SDK1: variants seen among roughly 807,000 people sequenced by gnomAD.
The protein encoded by SDK1 is protein sidekick-1.
A neutral mutation model predicts 245.5 loss-of-function variants in SDK1; 157 were observed. The ratio of observed to expected loss-of-function variants is 0.64; its 90% CI spans 0.56 to 0.73. The LOEUF (loss-of-function observed/expected upper bound fraction) is 0.73, where lower values mean the gene tolerates loss of function less well. Among genes scored for constraint, SDK1 ranks in the 30% least tolerant of loss-of-function variants. The pLI, the probability that SDK1 is intolerant of heterozygous loss-of-function variation, is 0.00. For missense variants in SDK1, 3,583 were observed against 3,002.3 expected (o/e 1.19, Z -4.52); for synonymous variants, 1,647 against 1,278.5 (o/e 1.29, Z -6.15).
intron 1 of SDK1, among the ~76,000 whole-genome samples, chr7:3,577,619 A>T (rs1780336412): frequency 6.6e-6 from 1 of 152,016 alleles, no homozygotes; most frequent in Non-Finnish European, 1.5e-5. Flanking sequence ...TCTGCTCTTT[A>T]TTGAACCTGT....
intron 5 of SDK1, among the ~76,000 whole-genome samples, chr7:3,931,639 C>G (rs898482977): frequency 6.6e-6 from 1 of 152,202 alleles, no homozygotes; most frequent in Non-Finnish European, 1.5e-5. Context: ...CCATCTTCCT[C>G]AGTGATATTT....
intron 17 of SDK1, among the ~76,000 whole-genome samples, chr7:4,046,251 G>C (rs1789010557): frequency 6.6e-6 from 1 of 152,102 alleles, no homozygotes; most frequent in South Asian, 2.1e-4. Context: ...ACCCGGCCTG[G>C]ATAAACGTTC....
chr7:3,521,853 A>C (rs1782950670), intron 1 of SDK1, among the ~76,000 whole-genome samples: 1 of 152,224 alleles, frequency 6.6e-6, no homozygotes, highest in African/African-American at 2.4e-5. Context: ...TTCAATTTGA[A>C]TTCCTGAAAA....
intron 4 of SDK1, among the ~76,000 whole-genome samples, chr7:3,739,086 T>G (rs1779402915): frequency 6.6e-6 from 1 of 152,216 alleles, no homozygotes; most frequent in Admixed American, 6.5e-5. Context: ...CTTGGTTGAC[T>G]GTTTTTATTT....
At chr7:3,641,536 G>A (rs1005131574) in intron 3 of SDK1, among the ~76,000 whole-genome samples, 1 of 152,192 alleles carries the variant, frequency 6.6e-6, no homozygotes, top group Admixed American at 6.5e-5. Flanking sequence ...AAGCTGAAGA[G>A]AGCAAGGGCC....
At chr7:3,767,977 C>T (rs1005949968) in intron 4 of SDK1, among the ~76,000 whole-genome samples, 1 of 152,188 alleles carries the variant, frequency 6.6e-6, no homozygotes, top group Non-Finnish European at 1.5e-5. Flanking sequence ...ATCCTCATAA[C>T]TCTAATACGT....
intron 25 of SDK1, among the ~76,000 whole-genome samples, chr7:4,120,366 A>G (rs73046501): frequency 0.094 from 13,971 of 148,684 alleles, 1,805 homozygotes; most frequent in African/African-American, 0.18. Context: ...TCTTAAAAAC[A>G]ATTGGAGTGA....
At chr7:3,926,731 C>G (rs1779784338) in intron 5 of SDK1, among the ~76,000 whole-genome samples, 1 of 152,204 alleles carries the variant, frequency 6.6e-6, no homozygotes, top group African/African-American at 2.4e-5. Flanking sequence ...TACCAGCCAC[C>G]ACTTTCTACG....
intron 1 of SDK1, among the ~76,000 whole-genome samples, chr7:3,304,201 T>G (rs1018389571): frequency 6.6e-6 from 1 of 152,188 alleles, no homozygotes; most frequent in Admixed American, 6.5e-5. Context: ...TTCTATGCGG[T>G]GATGAGAATT....
At position 3,705,786 on chromosome 7, in the gene SDK1, C is replaced by G. The variant is rs1784870669; in HGVS notation, c.713+63681C>G. On this transcript the variant is annotated intron_variant, in intron 4 of 44. Transcript: ENST00000404826. ...GCCTGATTCCTCTGGCTAGGACTTC[C>G]AGTACTGTGTTGAATAGAAGTGGTG... Among the ~76,000 whole-genome samples the G allele has an allele frequency of 3.3e-5, 5 of 151,846 alleles. No homozygotes were observed. In the South Asian group the frequency reaches 1.0e-3, roughly 32 times the overall value.
At chr7:3,468,199 A>G (rs73036783) in intron 1 of SDK1, among the ~76,000 whole-genome samples, 5,074 of 152,284 alleles carry the variant, frequency 0.033, 142 homozygotes, top group African/African-American at 0.061. Flanking sequence ...TTTCTAGATA[A>G]CTGTATAATA....
chr7:3,723,703 T>C (rs561442570), intron 4 of SDK1, among the ~76,000 whole-genome samples: 10 of 151,398 alleles, frequency 6.6e-5, no homozygotes, highest in East Asian at 1.9e-4. Context: ...CACGTACATA[T>C]ACATATACAC....
intron 4 of SDK1, among the ~76,000 whole-genome samples, chr7:3,752,056 C>A (rs1283318162): frequency 6.6e-6 from 1 of 152,178 alleles, no homozygotes; most frequent in Non-Finnish European, 1.5e-5. Context: ...CATTTCAGAA[C>A]AAGCTTTTGG....
chr7:4,043,131 G>C (rs915413626), intron 17 of SDK1, among the ~76,000 whole-genome samples: 2 of 151,634 alleles, frequency 1.3e-5, no homozygotes, highest in Non-Finnish European at 2.9e-5. Context: ...CTCAGGTAGA[G>C]TGAGTGTCAC....
At chr7:3,583,733 G>C (rs768645699) in intron 1 of SDK1, among the ~76,000 whole-genome samples, 2 of 152,154 alleles carry the variant, frequency 1.3e-5, no homozygotes, top group Non-Finnish European at 2.9e-5. Context: ...GCCACAGAAG[G>C]CATTGGCAGG....
chr7:4,061,912 C>G (rs1469771448), intron 19 of SDK1, among the ~76,000 whole-genome samples: 1 of 140,088 alleles, frequency 7.1e-6, no homozygotes, highest in African/African-American at 2.7e-5. Context: ...TATTCTCACT[C>G]ATAGGTGGGA....
At chr7:3,906,969 T>G (rs1265610289) in intron 5 of SDK1, among the ~76,000 whole-genome samples, 23 of 152,210 alleles carry the variant, frequency 1.5e-4, no homozygotes, top group Admixed American at 1.5e-3. Context: ...GCATGCTGTC[T>G]TCTTTTCTCC....
chr7:3,435,321 C>CTTTTTTTTTTTT (rs71029672), intron 1 of SDK1, among the ~76,000 whole-genome samples: 638 of 56,890 alleles, frequency 0.011, 65 homozygotes, highest in African/African-American at 0.02. Flanking sequence ...AGGGGACTGC[C>CTTTTTTTTTTTT]TTTTTTTTTT....
chr7:4,245,888 T>G, intron 44 of SDK1, 83 bp downstream of exon 44: 2 of 1,541,606 alleles, frequency 1.3e-6, no homozygotes, highest in African/African-American at 2.7e-5. Flanking sequence ...GGCTGTCTTG[T>G]CCTATTTGAG....
Sources: gnomAD v4.1 joint callset for allele counts (sites outside exome capture counted in the v4.1 genomes callset) on GRCh38, gnomAD v4.1.1 for gene constraint, MANE v1.5 for transcripts, NCBI Gene and HGNC (gene_info 2026-07-23, HGNC 2026-07-21) for gene names.